THRAP3: variants seen among roughly 807,000 people sequenced by gnomAD.
The protein encoded by THRAP3 is thyroid hormone receptor associated protein 3.
Under a neutral mutation model 101.0 loss-of-function variants are expected in THRAP3, and 16 were observed. That is an observed-to-expected ratio of 0.16 (90% CI 0.11 to 0.24). The LOEUF (loss-of-function observed/expected upper bound fraction) is 0.24, where lower values mean the gene tolerates loss of function less well. Ranked by LOEUF, THRAP3 falls within the 10% of genes least tolerant of loss-of-function variation. The probability of loss-of-function intolerance (pLI) is 1.00; values close to 1 mark genes in which losing one functional copy is unlikely to be tolerated. For missense variants in THRAP3, 989 were observed against 1,202.7 expected, an observed-to-expected ratio of 0.82 and a Z score of 2.63; for synonymous variants, 407 against 422.6, an observed-to-expected ratio of 0.96 and a Z score of 0.45.
upstream of THRAP3, among the ~76,000 whole-genome samples, chr1:36,220,968 A>ATATATAT (rs1371401171): frequency 4.5e-5 from 6 of 133,064 alleles, no homozygotes; most frequent in African/African-American, 1.6e-4. Flanking sequence ...AAAAAAAAAA[A>ATATATAT]AAAAATATAT....
intron 1 of THRAP3, among the ~76,000 whole-genome samples, chr1:36,232,528 C>T (rs1645039838): frequency 6.6e-6 from 1 of 152,192 alleles, no homozygotes; most frequent in South Asian, 2.1e-4. Context: ...TATCGTGTTT[C>T]ATCCTTCACG....
chr1:36,288,919 G>C, intron 4 of THRAP3, 141 bp from the exon 5 acceptor site: 1 of 1,308,276 alleles, frequency 7.6e-7, no homozygotes. Context: ...CGAAGTAACC[G>C]CCTAGAAAGT....
At chr1:36,232,906 A>G (rs1557805338) in intron 1 of THRAP3, among the ~76,000 whole-genome samples, 2 of 138,128 alleles carry the variant, frequency 1.4e-5, no homozygotes, top group African/African-American at 5.4e-5. Context: ...AGACAGTCTC[A>G]CTCTGTTGCC....
chr1:36,295,098 C>T (rs563242968), intron 8 of THRAP3, among the ~76,000 whole-genome samples: 1 of 152,056 alleles, frequency 6.6e-6, no homozygotes, highest in Non-Finnish European at 1.5e-5. Context: ...TAGTGCATGC[C>T]TGTAATCCCA....
At chr1:36,233,146 G>C (rs1467244049) in intron 1 of THRAP3, among the ~76,000 whole-genome samples, 1 of 151,348 alleles carries the variant, frequency 6.6e-6, no homozygotes, top group Non-Finnish European at 1.5e-5. Context: ...GGGATTACAG[G>C]CGTGAGCCAC....
Position 36,225,702 on chromosome 1 carries a change from G to C in THRAP3, c.-135+1197G>C, listed in dbSNP as rs145079738. Reference sequence around the variant, plus strand: ...GTTCTGTAATTCTAGACAGTCTGACGTGTGTATTATGATTTAGAAGCTTGT... The same window carrying C: ...GTTCTGTAATTCTAGACAGTCTGACCTGTGTATTATGATTTAGAAGCTTGT... On this transcript the variant is annotated intron_variant, in intron 1 of 11. Coordinates refer to ENST00000354618, the MANE Select transcript of THRAP3 (RefSeq NM_005119.4). 3.0e-4 allele frequency among the ~76,000 whole-genome samples: 46 copies of C among 152,262 alleles called. No homozygotes were observed. The East Asian group carries it at 6.9e-3, about 23-fold the overall frequency.
At chr1:36,225,702 G>T (rs145079738) in intron 1 of THRAP3, among the ~76,000 whole-genome samples, 1 of 152,144 alleles carries the variant, frequency 6.6e-6, no homozygotes, top group Non-Finnish European at 1.5e-5. Flanking sequence ...ACAGTCTGAC[G>T]TGTGTATTAT....
intron 5 of THRAP3, among the ~76,000 whole-genome samples, chr1:36,290,303 C>T (rs1022233703): frequency 6.6e-6 from 1 of 151,810 alleles, no homozygotes; most frequent in African/African-American, 2.4e-5. Flanking sequence ...TCACGCCATT[C>T]TCCTGCCTCA....
At chr1:36,248,904 C>CTT (rs752119832) in intron 1 of THRAP3, among the ~76,000 whole-genome samples, 11 of 144,050 alleles carry the variant, frequency 7.6e-5, no homozygotes, top group Admixed American at 1.4e-4. Flanking sequence ...TTCTTTCTTT[C>CTT]TTTTTTTTTT....
At chr1:36,294,287 T>C in intron 8 of THRAP3, 1 of 969,554 alleles carries the variant, frequency 1.0e-6, no homozygotes, top group Non-Finnish European at 1.2e-6. Flanking sequence ...TTTCCAACCA[T>C]GATTTCAGAA....
chr1:36,290,204 T>G (rs1045214669), intron 5 of THRAP3, among the ~76,000 whole-genome samples: 3 of 150,212 alleles, frequency 2.0e-5, no homozygotes, highest in Admixed American at 6.6e-5. Flanking sequence ...TCTCTCTTCT[T>G]TTTTTTTTTG....
At chr1:36,254,812 A>ATTT (rs1476946708) in intron 1 of THRAP3, among the ~76,000 whole-genome samples, 2 of 152,154 alleles carry the variant, frequency 1.3e-5, no homozygotes, top group East Asian at 3.8e-4. Flanking sequence ...TAAAACAGAA[A>ATTT]CCATTCTTAG....
upstream of THRAP3, among the ~76,000 whole-genome samples, chr1:36,219,926 G>C (rs1343029130): frequency 1.3e-5 from 2 of 152,152 alleles, no homozygotes; most frequent in Non-Finnish European, 2.9e-5. Context: ...AAAATCCTAA[G>C]GCCCTTAAGA....
At chr1:36,278,982 T>C (rs768696332) in intron 2 of THRAP3, among the ~76,000 whole-genome samples, 11 of 151,884 alleles carry the variant, frequency 7.2e-5, no homozygotes, top group Non-Finnish European at 1.2e-4. Context: ...AATAATTAGT[T>C]TCAATTCATG....
intron 1 of THRAP3, among the ~76,000 whole-genome samples, chr1:36,257,202 C>T (rs1645387315): frequency 6.6e-6 from 1 of 152,144 alleles, no homozygotes; most frequent in Non-Finnish European, 1.5e-5. Flanking sequence ...CCAGTATACT[C>T]TTTTTCTTCC....
At chr1:36,229,912 A>G (rs1645007253) in intron 1 of THRAP3, among the ~76,000 whole-genome samples, 1 of 148,928 alleles carries the variant, frequency 6.7e-6, no homozygotes, top group Admixed American at 6.8e-5. Flanking sequence ...TTGGCCTCCC[A>G]AAGTGCTGGG....
intron 1 of THRAP3, among the ~76,000 whole-genome samples, chr1:36,239,760 A>G (rs904213273): frequency 6.6e-6 from 1 of 152,254 alleles, no homozygotes; most frequent in African/African-American, 2.4e-5. Context: ...AGTGAGACCT[A>G]TATGTCCATC....
At chr1:36,243,835 A>T (rs75373209) in intron 1 of THRAP3, among the ~76,000 whole-genome samples, 9 of 132,880 alleles carry the variant, frequency 6.8e-5, no homozygotes, top group Non-Finnish European at 1.5e-4. Flanking sequence ...GCTGACCCCC[A>T]CACCTCCCTC....
the THRAP3 span, among the ~76,000 whole-genome samples, chr1:36,218,901 C>T: frequency 2.6e-5 from 4 of 151,710 alleles, no homozygotes; most frequent in East Asian, 1.9e-4. Context: ...AGTGCAGTGG[C>T]GGGCGCCTGC....
Sources: allele counts gnomAD v4.1 joint callset (sites outside exome capture counted in the v4.1 genomes callset), GRCh38; gene constraint gnomAD v4.1.1; transcripts MANE v1.5; gene names NCBI Gene and HGNC (gene_info 2026-07-23, HGNC 2026-07-21).